HNRNPUL1: variants seen among roughly 807,000 people sequenced by gnomAD.
HNRNPUL1 encodes the protein heterogeneous nuclear ribonucleoprotein U-like protein 1.
HNRNPUL1 carries 14 observed loss-of-function variants against 108.5 expected under a neutral mutation model. The observed-to-expected ratio is 0.13, with a 90% CI of 0.09 to 0.20. The LOEUF (loss-of-function observed/expected upper bound fraction) is 0.20, where lower values mean the gene tolerates loss of function less well. HNRNPUL1 is among the 10% of genes least tolerant of loss of function. The pLI is 1.00. For missense variants in HNRNPUL1, 804 were observed against 1,168.3 expected, an observed-to-expected ratio of 0.69 and a Z score of 4.55; for synonymous variants, 422 against 445.2, an observed-to-expected ratio of 0.95 and a Z score of 0.66.
Position 41,264,649 on chromosome 19 carries a change from A to C in HNRNPUL1, c.146A>C (p.Asp49Ala), listed in dbSNP as rs1396869626. The C allele has an allele frequency of 6.3e-7, 1 of 1,584,322 alleles. No homozygotes were observed. Among genetic ancestry groups the C allele is most frequent in the Non-Finnish European group, 8.5e-7 (1 of 1,172,978 alleles). ...AEEPDDEREL[D>A]ADDEPGRPGH... is the part of the protein sequence containing the mutation. ...GAGCCTGACGACGAGCGGGAGCTCG[A>C]CGCCGACGACGAACCGGGGCGACCC... The change falls in exon 1 of 15, where the codon GAC becomes GCC. Residue 49 changes from aspartate (D) to alanine (A), a missense_variant. Asp to Ala is a moderately radical substitution (Grantham distance 126). This residue lies in a region of HNRNPUL1 where 256 missense variants were observed against 261.6 expected (regional missense o/e 0.98). Transcript: ENST00000392006.
At chr19:41,302,310 C>G (rs919173372) in intron 11 of HNRNPUL1, 1 of 348,136 alleles carries the variant, frequency 2.9e-6, no homozygotes, top group African/African-American at 2.1e-5. Context: ...CCTCCGCCTC[C>G]TGAGTTCACC....
chr19:41,299,967 CTCAT>C (rs943060111), intron 10 of HNRNPUL1, among the ~76,000 whole-genome samples: 2 of 152,060 alleles, frequency 1.3e-5, no homozygotes, highest in African/African-American at 4.8e-5. Context: ...CTCACGTGGA[CTCAT>C]TCAGTCCTCA....
intron 11 of HNRNPUL1, among the ~76,000 whole-genome samples, chr19:41,302,066 A>G (rs2037243041): frequency 6.6e-6 from 1 of 151,986 alleles, no homozygotes; most frequent in African/African-American, 2.4e-5. Flanking sequence ...TGTCTGACCC[A>G]TTCCCTGGGG....
intron 2 of HNRNPUL1, among the ~76,000 whole-genome samples, chr19:41,269,502 A>C (rs1423053289): frequency 6.6e-6 from 1 of 151,300 alleles, no homozygotes; most frequent in Non-Finnish European, 1.5e-5. Context: ...AAAAAAAAAA[A>C]ACCTAAAATT....
At chr19:41,285,877 CTT>C (rs1455241143) in intron 7 of HNRNPUL1, among the ~76,000 whole-genome samples, 14 of 152,118 alleles carry the variant, frequency 9.2e-5, no homozygotes, top group Non-Finnish European at 5.9e-5. Flanking sequence ...CTCCCAAAAA[CTT>C]AACTACTGGC....
chr19:41,281,288 A>T lies in HNRNPUL1; in HGVS notation c.999+13A>T, dbSNP rs771660545. ...TGGCTGCTTTGCGGTGAGTGCTAGC[A>T]GCCTGTGGGAGTTGGCAGAACCAGA... On this transcript the variant is annotated intron_variant, in intron 7 of 14. Coordinates refer to ENST00000392006, the MANE Select transcript of HNRNPUL1 (RefSeq NM_007040.6). The T allele has an allele frequency of 7.4e-5, 117 of 1,571,390 alleles. No individual in the cohort carries two copies. The highest frequency in any genetic ancestry group is 1.0e-4 in the Non-Finnish European group (117 of 1,141,360).
intron 6 of HNRNPUL1, among the ~76,000 whole-genome samples, chr19:41,280,506 T>A (rs1362860043): frequency 6.6e-6 from 1 of 152,142 alleles, no homozygotes; most frequent in African/African-American, 2.4e-5. Context: ...TGGCAGTTGA[T>A]AGGGATGGGG....
intron 2 of HNRNPUL1, among the ~76,000 whole-genome samples, chr19:41,269,064 C>G (rs1278509045): frequency 6.6e-6 from 1 of 151,692 alleles, no homozygotes; most frequent in Non-Finnish European, 1.5e-5. Flanking sequence ...CCAAATGTGT[C>G]TGGAAACTGT....
chr19:41,274,085 G>C, intron 4 of HNRNPUL1, 30 bp downstream of exon 4: 4 of 1,576,322 alleles, frequency 2.5e-6, no homozygotes, highest in Non-Finnish European at 3.5e-6. Context: ...ATCTAATTCT[G>C]CCTTACAGTC....
chr19:41,298,181 C>T (rs1263362268), intron 10 of HNRNPUL1, among the ~76,000 whole-genome samples: 3 of 152,148 alleles, frequency 2.0e-5, no homozygotes, highest in Non-Finnish European at 4.4e-5. Flanking sequence ...CATCATCATT[C>T]GTACCTGCTG....
chr19:41,268,165 GGT>G, intron 1 of HNRNPUL1, 56 bp from the exon 2 acceptor site: 1 of 1,582,064 alleles, frequency 6.3e-7, no homozygotes, highest in Non-Finnish European at 8.6e-7. Flanking sequence ...TGGATGCTTT[GGT>G]CCAGGGTTCT....
At chr19:41,287,771 G>T (rs761156512) in intron 7 of HNRNPUL1, among the ~76,000 whole-genome samples, 5 of 151,994 alleles carry the variant, frequency 3.3e-5, no homozygotes, top group Non-Finnish European at 5.9e-5. Flanking sequence ...TGTTGGCCAG[G>T]CTAGTCTCGA....
intron 2 of HNRNPUL1, 61 bp downstream of exon 2, chr19:41,268,406 C>G (rs2034992810): frequency 1.3e-6 from 2 of 1,563,476 alleles, no homozygotes; most frequent in Admixed American, 1.9e-5. Flanking sequence ...AGCCTTTACC[C>G]CCTGCTTAGA....
rs1796560744 is a variant in HNRNPUL1, at chr19:41,272,309, AT to A, written c.572+77del. On this transcript the variant is annotated intron_variant, in intron 3 of 14. Transcript: ENST00000392006. ...CCATAGCCTCGTGCTTGCTGGGGAC[AT>A]TTGCACTAACCTAGAGGGGCTGAGT... The A allele has an allele frequency of 6.9e-6, 10 of 1,457,568 alleles. No individual in the cohort carries two copies. In the Admixed American group the frequency reaches 1.7e-4, roughly 25 times the overall value. The allele number at this position is 1,457,568 out of a possible 1,614,324, so 90.3% of individuals were successfully genotyped here. A position where few individuals can be genotyped will look rare whatever the true frequency, so the allele number is the denominator to read the frequency against.
At chr19:41,289,713 CTTTT>C (rs71177710) in intron 7 of HNRNPUL1, among the ~76,000 whole-genome samples, 16 of 119,896 alleles carry the variant, frequency 1.3e-4, no homozygotes, top group East Asian at 1.2e-3. Flanking sequence ...TCTCCATGGT[CTTTT>C]TTTTTTTTTT....
chr19:41,274,130 A>T, intron 4 of HNRNPUL1, 75 bp downstream of exon 4: 1 of 1,205,098 alleles, frequency 8.3e-7, no homozygotes, highest in East Asian at 2.3e-5. Context: ...CCTTCACCAG[A>T]ATCCCTGCTG....
intron 5 of HNRNPUL1, 48 bp downstream of exon 5, chr19:41,276,346 G>T (rs968846164): frequency 5.8e-6 from 9 of 1,550,868 alleles, no homozygotes; most frequent in Non-Finnish European, 7.8e-6. Context: ...TCCATCCATT[G>T]TAATATCCTG....
At chr19:41,284,552 C>T (rs187060136) in intron 7 of HNRNPUL1, among the ~76,000 whole-genome samples, 1 of 152,072 alleles carries the variant, frequency 6.6e-6, no homozygotes, top group Non-Finnish European at 1.5e-5. Context: ...CGCCTGTAGT[C>T]CCAGATAGGA....
intron 7 of HNRNPUL1, among the ~76,000 whole-genome samples, chr19:41,284,796 G>T (rs983259718): frequency 2.0e-5 from 3 of 152,108 alleles, no homozygotes; most frequent in Non-Finnish European, 4.4e-5. Context: ...AGGAGATCAA[G>T]ACCATCCTGG....
Sources: gnomAD v4.1 joint callset for allele counts (sites outside exome capture counted in the v4.1 genomes callset) on GRCh38, gnomAD v4.1.1 for gene constraint, gnomAD v4.1.1 regional missense constraint, MANE v1.5 for transcripts, NCBI Gene and HGNC (gene_info 2026-07-23, HGNC 2026-07-21) for gene names.